The following TBC1D5 variants were observed in gnomAD, a reference collection of about 807,000 sequenced individuals.
TBC1D5 encodes TBC1 domain family member 5.
A neutral mutation model predicts 100.3 loss-of-function variants in TBC1D5; 75 were observed. That is an observed-to-expected ratio of 0.75 (90% CI 0.62 to 0.91). The LOEUF (loss-of-function observed/expected upper bound fraction) is 0.91, where lower values mean the gene tolerates loss of function less well. Ranked by LOEUF, TBC1D5 falls within the 40% of genes least tolerant of loss-of-function variation. The pLI is 0.00. For synonymous variants in TBC1D5, 323 were observed against 325.6 expected, an observed-to-expected ratio of 0.99 and a Z score of 0.09; for missense variants, 910 against 942.4, an observed-to-expected ratio of 0.97 and a Z score of 0.45.
At chr3:17,570,774 G>A (rs59960076) in intron 2 of TBC1D5, among the ~76,000 whole-genome samples, 7,754 of 151,926 alleles carry the variant, frequency 0.051, 629 homozygotes, top group African/African-American at 0.17. Flanking sequence ...GTATCATAAT[G>A]TCGATACAGT....
At chr3:17,349,926 G>T (rs2090352766) in intron 13 of TBC1D5, among the ~76,000 whole-genome samples, 1 of 152,172 alleles carries the variant, frequency 6.6e-6, no homozygotes, top group Non-Finnish European at 1.5e-5. Flanking sequence ...CAAGTCATTT[G>T]TAAATAACAT....
At chr3:17,199,230 A>C (rs928040244) in intron 18 of TBC1D5, among the ~76,000 whole-genome samples, 7 of 152,218 alleles carry the variant, frequency 4.6e-5, no homozygotes, top group Admixed American at 4.6e-4. Flanking sequence ...ATAACAGAGG[A>C]CTGAGGATGT....
At chr3:17,527,856 G>A (rs2153364512) in intron 2 of TBC1D5, among the ~76,000 whole-genome samples, 1 of 152,122 alleles carries the variant, frequency 6.6e-6, no homozygotes, top group African/African-American at 2.4e-5. Context: ...AAGCACATAA[G>A]CAAAATGAGA....
rs1402778990 is a variant in TBC1D5 at position 17,601,151 on chromosome 3, G to C, written c.-36+22698C>G. On this transcript the variant is annotated intron_variant, in intron 2 of 21. Transcript: ENST00000253692. ...ACTGTTGCTGCTTTTAAACATGGTA[G>C]CCTATATAGTCATTGAAATAACAAC... 5.9e-5 allele frequency among the ~76,000 whole-genome samples: 9 copies of C among 152,186 alleles called. 1 individual carries two copies. The highest frequency in any genetic ancestry group is 4.6e-4 in the Admixed American group (7 of 15,284).
intron 3 of TBC1D5, among the ~76,000 whole-genome samples, chr3:17,460,396 C>T (rs981508146): frequency 1.3e-5 from 2 of 152,174 alleles, no homozygotes; most frequent in African/African-American, 4.8e-5. Context: ...CTTTCTAAAA[C>T]AATTCCTATT....
At chr3:17,303,255 G>A (rs1055405992) in intron 14 of TBC1D5, among the ~76,000 whole-genome samples, 6 of 152,106 alleles carry the variant, frequency 3.9e-5, no homozygotes, top group Admixed American at 3.9e-4. Context: ...CCAAACTATT[G>A]CTTCCTATCA....
chr3:17,274,012 TAAA>T (rs34350746), intron 15 of TBC1D5, among the ~76,000 whole-genome samples: 13 of 139,570 alleles, frequency 9.3e-5, no homozygotes, highest in Non-Finnish European at 6.2e-5. Flanking sequence ...TGTATTTAAT[TAAA>T]AAAAAAAAAA....
chr3:17,191,436 A>G (rs2069878812), intron 18 of TBC1D5, among the ~76,000 whole-genome samples: 1 of 152,198 alleles, frequency 6.6e-6, no homozygotes, highest in Non-Finnish European at 1.5e-5. Context: ...ACAATCCTAG[A>G]AAGTTATTTC....
At chr3:17,601,438 G>A (rs2060934102) in intron 2 of TBC1D5, among the ~76,000 whole-genome samples, 1 of 152,224 alleles carries the variant, frequency 6.6e-6, no homozygotes, top group African/African-American at 2.4e-5. Context: ...TTGAATCCGG[G>A]AGGCGGAGGT....
intron 3 of TBC1D5, among the ~76,000 whole-genome samples, chr3:17,478,268 T>C (rs1003477004): frequency 2.0e-4 from 30 of 152,200 alleles, no homozygotes; most frequent in Admixed American, 7.2e-4. Flanking sequence ...ATAAAATATT[T>C]ACATATCATA....
At chr3:17,237,311 C>A (rs749286718) in intron 17 of TBC1D5, among the ~76,000 whole-genome samples, 1 of 152,114 alleles carries the variant, frequency 6.6e-6, no homozygotes, top group African/African-American at 2.4e-5. Context: ...TTAGCAGAGT[C>A]CTAGTACTAA....
chr3:17,257,022 G>A (rs1459563034), intron 16 of TBC1D5, among the ~76,000 whole-genome samples: 2 of 151,862 alleles, frequency 1.3e-5, no homozygotes, highest in Admixed American at 1.3e-4. Context: ...AGGAGAGAGT[G>A]GAAGGAGATA....
At chr3:17,690,927 C>A (rs529713212) in intron 1 of TBC1D5, among the ~76,000 whole-genome samples, 1 of 152,150 alleles carries the variant, frequency 6.6e-6, no homozygotes, top group Non-Finnish European at 1.5e-5. Flanking sequence ...TATCTTGAGA[C>A]TATTCAAATC....
At position 17,257,450 on chromosome 3, in the gene TBC1D5, T is replaced by C. The variant is rs189857645; in HGVS notation, c.1331+1056A>G. ...ACTATAGCAAATAAATTTTTATTTG[T>C]GTAACAAGACTCAGATGAAATGAAC... On this transcript the variant is annotated intron_variant, in intron 16 of 21. Coordinates refer to ENST00000253692, the Ensembl canonical transcript of TBC1D5. Among the ~76,000 whole-genome samples the C allele has an allele frequency of 2.2e-3, 339 of 152,280 alleles. 6 individuals carry two copies. The highest frequency in any genetic ancestry group is 1.2e-3 in the Non-Finnish European group (79 of 68,008).
chr3:17,252,844 C>A (rs1376790596), intron 16 of TBC1D5, among the ~76,000 whole-genome samples: 1 of 152,150 alleles, frequency 6.6e-6, no homozygotes, highest in Non-Finnish European at 1.5e-5. Context: ...TCTCTCAATA[C>A]CTGGCACAGA....
At chr3:17,598,420 A>G (rs1030079028) in intron 2 of TBC1D5, among the ~76,000 whole-genome samples, 1 of 152,226 alleles carries the variant, frequency 6.6e-6, no homozygotes, top group Admixed American at 6.5e-5. Flanking sequence ...AGCACTGTTC[A>G]TAACTTTGTT....
chr3:17,527,004 C>A (rs1449873733), intron 2 of TBC1D5, among the ~76,000 whole-genome samples: 1 of 152,140 alleles, frequency 6.6e-6, no homozygotes, highest in African/African-American at 2.4e-5. Flanking sequence ...TTATTGAATC[C>A]TCCCATGTGC....
intron 1 of TBC1D5, among the ~76,000 whole-genome samples, chr3:17,681,608 T>G (rs1156494705): frequency 1.3e-5 from 2 of 151,648 alleles, no homozygotes; most frequent in African/African-American, 4.9e-5. Flanking sequence ...ATATGTGACA[T>G]GTAACACGCT....
intron 4 of TBC1D5, among the ~76,000 whole-genome samples, chr3:17,414,493 G>A (rs773047350): frequency 6.6e-6 from 1 of 152,034 alleles, no homozygotes; most frequent in Non-Finnish European, 1.5e-5. Flanking sequence ...ATACTTTTAG[G>A]CCATTTTAAA....
Sources: gnomAD v4.1 joint callset for allele counts (sites outside exome capture counted in the v4.1 genomes callset) on GRCh38, gnomAD v4.1.1 for gene constraint, MANE v1.5 for transcripts, NCBI Gene and HGNC (gene_info 2026-07-23, HGNC 2026-07-21) for gene names.